HS3ST5: variants seen among roughly 807,000 people sequenced by gnomAD.
HS3ST5 encodes the protein heparan sulfate-glucosamine 3-sulfotransferase 5, also known as heparan sulfate glucosamine 3-O-sulfotransferase 5.
Under a neutral mutation model 25.4 loss-of-function variants are expected in HS3ST5, and 10 were observed. The ratio of observed to expected loss-of-function variants is 0.39; its 90% CI spans 0.24 to 0.67. HS3ST5 has a LOEUF of 0.67. Ranked by LOEUF, HS3ST5 falls within the 30% of genes least tolerant of loss-of-function variation. The pLI, the probability that HS3ST5 is intolerant of heterozygous loss-of-function variation, is 0.44. For synonymous variants in HS3ST5, 170 were observed against 162.4 expected, an observed-to-expected ratio of 1.05 and a Z score of -0.36; for missense variants, 324 against 420.7, an observed-to-expected ratio of 0.77 and a Z score of 2.01.
chr6:114,129,001 G>A (rs1477339758), intron 3 of HS3ST5, among the ~76,000 whole-genome samples: 1 of 151,380 alleles, frequency 6.6e-6, no homozygotes, highest in African/African-American at 2.4e-5. Flanking sequence ...AAAAAGCCAA[G>A]TTTCTGGATT....
At chr6:114,341,095 C>T (rs1030704678) in intron 1 of HS3ST5, among the ~76,000 whole-genome samples, 6 of 144,292 alleles carry the variant, frequency 4.2e-5, no homozygotes, top group Non-Finnish European at 9.1e-5. Context: ...TATTAAATCT[C>T]TCCCCAGTGT....
rs1436373249 is a variant in HS3ST5, at chr6:114,057,153, A to G, written c.*104T>C. 6 of 808,298 alleles carry G rather than the reference A, an allele frequency of 7.4e-6. No individual in the cohort carries two copies. The highest frequency in any genetic ancestry group is 5.4e-4 in the Middle Eastern group (2 of 3,726). 50.1% of individuals were successfully genotyped at this position (808,298 alleles called of 1,614,324 possible). A position where few individuals can be genotyped will look rare whatever the true frequency, so the allele number is the denominator to read the frequency against. ...ACTGCGTATGTACAAATATACATGG[A>G]AAAATGACTTGGATAGCTCTGCCTA... On this transcript the variant is annotated 3_prime_UTR_variant, in exon 5 of 5. Coordinates refer to ENST00000312719, the MANE Select transcript of HS3ST5 (RefSeq NM_153612.4).
chr6:114,284,622 C>G (rs73542373), intron 1 of HS3ST5, among the ~76,000 whole-genome samples: 4,889 of 151,936 alleles, frequency 0.032, 279 homozygotes, highest in African/African-American at 0.11. Context: ...AGAGCTAAAT[C>G]CTTCTTTAAT....
Position 114,213,554 on chromosome 6 carries a change from T to C in HS3ST5, c.-145+15031A>G, listed in dbSNP as rs562072461. On this transcript the variant is annotated intron_variant, in intron 2 of 4. Coordinates refer to ENST00000312719, the MANE Select transcript of HS3ST5 (RefSeq NM_153612.4). The stretch of plus-strand genomic sequence containing the variant: ...CCCAGGTACAGTATTGTCTTCTGGC[T>C]TTCAGATTAAAGCATTCTCTGCAGC... 2.6e-4 allele frequency among the ~76,000 whole-genome samples: 39 copies of C among 152,258 alleles called. 1 individual carries two copies. In the South Asian group the frequency reaches 7.7e-3, roughly 30 times the overall value.
chr6:114,232,585 C>T (rs914587932), intron 1 of HS3ST5, among the ~76,000 whole-genome samples: 1 of 152,104 alleles, frequency 6.6e-6, no homozygotes, highest in African/African-American at 2.4e-5. Flanking sequence ...CCATAAAAAC[C>T]TTCCTCTTAA....
chr6:114,310,113 GA>G (rs1035621401), intron 1 of HS3ST5, among the ~76,000 whole-genome samples: 29 of 152,096 alleles, frequency 1.9e-4, no homozygotes, highest in Admixed American at 5.2e-4. Context: ...AATGATGGGG[GA>G]AAAAATTAAA....
At chr6:114,088,861 G>C (rs1240693396) in intron 3 of HS3ST5, 1 of 152,132 alleles carries the variant, frequency 6.6e-6, no homozygotes, top group East Asian at 1.9e-4. Flanking sequence ...AAAATCTTCA[G>C]AGAGAATCAA....
At chr6:114,193,759 CTATTA>C (rs996030707) in intron 2 of HS3ST5, among the ~76,000 whole-genome samples, 1 of 152,100 alleles carries the variant, frequency 6.6e-6, no homozygotes, top group African/African-American at 2.4e-5. Flanking sequence ...ATCAATATTA[CTATTA>C]TGAGTGAAAT....
chr6:114,276,539 G>A (rs1436671067), intron 1 of HS3ST5, among the ~76,000 whole-genome samples: 1 of 149,616 alleles, frequency 6.7e-6, no homozygotes, highest in Non-Finnish European at 1.5e-5. Context: ...TTTTGTATGA[G>A]TACAAATTCC....
intron 3 of HS3ST5, among the ~76,000 whole-genome samples, chr6:114,148,137 C>T (rs1371719051): frequency 6.6e-6 from 1 of 152,152 alleles, no homozygotes; most frequent in Non-Finnish European, 1.5e-5. Context: ...CACACATCTA[C>T]AACCATCTGA....
At chr6:114,088,024 T>C (rs777169508) in intron 3 of HS3ST5, among the ~76,000 whole-genome samples, 2 of 152,174 alleles carry the variant, frequency 1.3e-5, no homozygotes, top group Non-Finnish European at 2.9e-5. Context: ...TTCAAAGACA[T>C]AGTATGAAAA....
intron 1 of HS3ST5, among the ~76,000 whole-genome samples, chr6:114,233,029 C>CT (rs1409434455): frequency 6.6e-6 from 1 of 151,202 alleles, no homozygotes; most frequent in Non-Finnish European, 1.5e-5. Flanking sequence ...GTCTAACTCT[C>CT]TAGCCTCATC....
chr6:114,084,740 G>T, intron 3 of HS3ST5: 2 of 870,564 alleles, frequency 2.3e-6, no homozygotes, highest in Non-Finnish European at 3.9e-6. Context: ...GGTTCCAGGC[G>T]TGAAGAGGCC....
In HS3ST5 at chr6:114,110,264, T is replaced by A. The variant is rs116345905; in HGVS notation, c.-32-47387A>T. Among the ~76,000 whole-genome samples, 1,518 of 152,102 alleles carry A rather than the reference T, an allele frequency of 1.0e-2. 26 individuals carry two copies. Among genetic ancestry groups the A allele is most frequent in the African/African-American group, 0.035 (1,434 of 41,466 alleles). ...GTAACTGTGGCCTAGAGTCTATACA[T>A]TATTTTATTTCCCTGCCACTGTCAC... On this transcript the variant is annotated intron_variant, in intron 3 of 4. Transcript: ENST00000312719.
intron 1 of HS3ST5, among the ~76,000 whole-genome samples, chr6:114,287,507 T>C (rs1486495331): frequency 6.6e-6 from 1 of 152,102 alleles, no homozygotes; most frequent in African/African-American, 2.4e-5. Flanking sequence ...CTATAATTTA[T>C]AATGTACATA....
intron 1 of HS3ST5, among the ~76,000 whole-genome samples, chr6:114,339,862 A>C (rs1776754096): frequency 6.6e-6 from 1 of 152,212 alleles, no homozygotes; most frequent in Non-Finnish European, 1.5e-5. Flanking sequence ...TTTCTGAGTC[A>C]ACAGCTCTTT....
At chr6:114,232,735 C>A (rs1771656678) in intron 1 of HS3ST5, among the ~76,000 whole-genome samples, 1 of 152,162 alleles carries the variant, frequency 6.6e-6, no homozygotes, top group Non-Finnish European at 1.5e-5. Context: ...GGTTCATTAT[C>A]TAATCATCAG....
At chr6:114,148,025 T>G (rs1778254909) in intron 3 of HS3ST5, among the ~76,000 whole-genome samples, 1 of 152,188 alleles carries the variant, frequency 6.6e-6, no homozygotes, top group South Asian at 2.1e-4. Flanking sequence ...ATAATTTGAA[T>G]TGGAAATTTC....
intron 3 of HS3ST5, among the ~76,000 whole-genome samples, chr6:114,147,230 A>G (rs1778214136): frequency 6.6e-6 from 1 of 152,226 alleles, no homozygotes; most frequent in Admixed American, 6.5e-5. Context: ...TTTTGAAAAC[A>G]CATAGTTATT....
Sources: allele counts gnomAD v4.1 joint callset (sites outside exome capture counted in the v4.1 genomes callset), GRCh38; gene constraint gnomAD v4.1.1; transcripts MANE v1.5; gene names NCBI Gene and HGNC (gene_info 2026-07-23, HGNC 2026-07-21).